Variants in DGKD observed in about 807,000 individuals in gnomAD.
The protein encoded by DGKD is diacylglycerol kinase delta, also known as DAG kinase delta.
Under a neutral mutation model 154.4 loss-of-function variants are expected in DGKD, and 68 were observed. The ratio of observed to expected loss-of-function variants is 0.44; its 90% CI spans 0.36 to 0.54. DGKD has a LOEUF of 0.54. Among genes scored for constraint, DGKD ranks in the 20% least tolerant of loss-of-function variants. The probability of loss-of-function intolerance (pLI) is 0.00; values close to 1 mark genes in which losing one functional copy is unlikely to be tolerated. For missense variants in DGKD, 1,343 were observed against 1,593.6 expected (o/e 0.84, Z 2.68); for synonymous variants, 693 against 638.0 (o/e 1.09, Z -1.30).
At chr2:233,359,803 G>T (rs1701697775) in intron 1 of DGKD, among the ~76,000 whole-genome samples, 1 of 152,188 alleles carries the variant, frequency 6.6e-6, no homozygotes, top group Non-Finnish European at 1.5e-5. Flanking sequence ...AAAATTTTTA[G>T]AGATGATAGT....
Position 233,452,153 on chromosome 2 carries a change from G to A in DGKD, c.2264+93G>A, listed in dbSNP as rs988166009. On this transcript the variant is annotated intron_variant, in intron 18 of 29. Transcript: ENST00000264057. This position sits in a 1 kb window ranked among gnomAD's most constrained non-coding sequence, Gnocchi z 4.0. The stretch of plus-strand genomic sequence containing the variant: ...CAGGATTAACTAGAGAAATTAGTGA[G>A]CAGTTGCCCAGCTGGTGGTAGCTGA... 1.7e-6 allele frequency: 2 copies of A among 1,204,726 alleles called. No homozygotes were observed. Among genetic ancestry groups the A allele is most frequent in the African/African-American group, 3.0e-5 (2 of 66,676 alleles). 74.6% of individuals were successfully genotyped at this position (1,204,726 alleles called of 1,614,324 possible). A position where few individuals can be genotyped will look rare whatever the true frequency, so the allele number is the denominator to read the frequency against.
Position 233,458,201 on chromosome 2 carries a change from C to T in DGKD, c.2581-83C>T, listed in dbSNP as rs757045692. ...TCTCGCCAGCTAGGAGGGGCTGACC[C>T]CCAGAGGGAGGGAGTGAGGGTAGGG... On this transcript the variant is annotated intron_variant, in intron 21 of 29. Coordinates refer to ENST00000264057, the MANE Select transcript of DGKD (RefSeq NM_152879.3). This position sits in a 1 kb window ranked among gnomAD's most constrained non-coding sequence, Gnocchi z 6.6. 49 of 857,730 alleles carry T rather than the reference C, an allele frequency of 5.7e-5. No individual in the cohort carries two copies. Among genetic ancestry groups the T allele is most frequent in the Non-Finnish European group, 8.8e-5 (47 of 532,588 alleles). 53.1% of individuals were successfully genotyped at this position (857,730 alleles called of 1,614,324 possible). A position where few individuals can be genotyped will look rare whatever the true frequency, so the allele number is the denominator to read the frequency against.
chr2:233,363,675 G>A (rs1438765917), intron 1 of DGKD, among the ~76,000 whole-genome samples: 2 of 152,116 alleles, frequency 1.3e-5, no homozygotes, highest in African/African-American at 2.4e-5. Context: ...CTCCAGTTAC[G>A]GTAAGTACCC....
chr2:233,419,271 C>T (rs1424665164), intron 3 of DGKD: 2 of 985,544 alleles, frequency 2.0e-6, no homozygotes, highest in African/African-American at 1.7e-5. Flanking sequence ...TTGCACGGTA[C>T]TGATTTGCTG....
intron 10 of DGKD, among the ~76,000 whole-genome samples, chr2:233,444,837 C>T (rs1423001523): frequency 1.4e-5 from 2 of 146,786 alleles, no homozygotes; most frequent in East Asian, 2.0e-4. Flanking sequence ...CGGCAGGTTT[C>T]CTGCCTCAAG....
intron 27 of DGKD, 79 bp downstream of exon 27, chr2:233,464,362 C>T (rs570280482): frequency 1.0e-4 from 160 of 1,561,852 alleles, no homozygotes; most frequent in South Asian, 7.3e-4. Flanking sequence ...CCTTGTGACC[C>T]GTGTGGCTCT....
At chr2:233,460,093 G>A in intron 23 of DGKD, 101 bp from the exon 24 acceptor site, 8 of 1,498,402 alleles carry the variant, frequency 5.3e-6, no homozygotes, top group Middle Eastern at 1.8e-4. Flanking sequence ...AGTCCTATTT[G>A]TCTCTTTCTA....
chr2:233,429,581 G>A (rs11681604), intron 3 of DGKD, among the ~76,000 whole-genome samples: 45,510 of 152,034 alleles, frequency 0.3, 9,644 homozygotes, highest in African/African-American at 0.61. Context: ...GCCTCTCCAC[G>A]CTGTGAGTTC....
chr2:233,389,793 G>A (rs1703466192), intron 2 of DGKD, among the ~76,000 whole-genome samples: 1 of 152,124 alleles, frequency 6.6e-6, no homozygotes, highest in African/African-American at 2.4e-5. Context: ...AGAGGGAGAC[G>A]GGGGAGGTCC....
intron 7 of DGKD, 81 bp from the exon 8 acceptor site, chr2:233,437,296 C>T (rs1335045269): frequency 1.7e-5 from 22 of 1,326,672 alleles, no homozygotes; most frequent in African/African-American, 2.9e-5. Context: ...GAGGCCAGCT[C>T]ATCAGCTACA....
intron 7 of DGKD, among the ~76,000 whole-genome samples, chr2:233,436,833 C>T (rs1253753463): frequency 6.6e-6 from 1 of 152,166 alleles, no homozygotes; most frequent in Admixed American, 6.5e-5. Flanking sequence ...GTGAGCACAG[C>T]CATGTGGAAG....
intron 3 of DGKD, among the ~76,000 whole-genome samples, chr2:233,433,584 T>G (rs982370886): frequency 6.6e-6 from 1 of 152,134 alleles, no homozygotes; most frequent in Non-Finnish European, 1.5e-5. Context: ...CAGAGTATAC[T>G]TGGATTGTTT....
In DGKD at chr2:233,463,339, TGCAC is replaced by T. The variant is rs1251227158; in HGVS notation, c.3186+608_3186+611del. On this transcript the variant is annotated intron_variant, in intron 26 of 29. Transcript: ENST00000264057. ...CACCTCACTCCACACATCTCCTCAC[TGCAC>T]GCATCTCACTCCACACATCACCTCA... 3.3e-5 allele frequency among the ~76,000 whole-genome samples: 5 copies of T among 149,900 alleles called. No individual in the cohort carries two copies. In the East Asian group the frequency reaches 9.9e-4, roughly 30 times the overall value.
intron 24 of DGKD, 86 bp from the exon 25 acceptor site, chr2:233,462,262 G>C: frequency 9.2e-7 from 1 of 1,088,960 alleles, no homozygotes; most frequent in Non-Finnish European, 1.4e-6. Context: ...CCTCCAGGTG[G>C]TACCTGGGCC....
chr2:233,452,203 G>C lies in DGKD; in HGVS notation c.2264+143G>C. ...ATAAGGAAGGCTGAGAAGTCGTGGA[G>C]ATTCCACTTAAGGAGTGGAGCTGGA... On this transcript the variant is annotated intron_variant, in intron 18 of 29. Transcript: ENST00000264057. The surrounding 1 kb of genome is among the most constrained non-coding windows in gnomAD (Gnocchi z 4.0). The C allele has an allele frequency of 1.3e-6, 1 of 776,284 alleles. No homozygotes were observed. Among genetic ancestry groups the C allele is most frequent in the Non-Finnish European group, 2.1e-6 (1 of 472,710 alleles). The allele number at this position is 776,284 out of a possible 1,614,324, so 48.1% of individuals were successfully genotyped here.
At position 233,395,539 on chromosome 2, in the gene DGKD, T is replaced by A. The variant is rs1703952134; in HGVS notation, c.348+5056T>A. 3.3e-5 allele frequency among the ~76,000 whole-genome samples: 5 copies of A among 152,038 alleles called. No individual in the cohort carries two copies. The South Asian group carries it at 1.0e-3, about 32-fold the overall frequency. On this transcript the variant is annotated intron_variant, in intron 3 of 29. Transcript: ENST00000264057. Reference sequence around the variant, plus strand: ...CCCTTCTGTGTTGTCTCTTAAACATTTATAGTTCACAGATTTTCTTTTTCC... The same window carrying A: ...CCCTTCTGTGTTGTCTCTTAAACATATATAGTTCACAGATTTTCTTTTTCC...
chr2:233,361,472 T>C (rs1701778193), intron 1 of DGKD, among the ~76,000 whole-genome samples: 1 of 152,140 alleles, frequency 6.6e-6, no homozygotes, highest in African/African-American at 2.4e-5. Flanking sequence ...AAAATAGACA[T>C]CAAGGGAGGC....
At chr2:233,360,952 A>T (rs757479449) in intron 1 of DGKD, among the ~76,000 whole-genome samples, 17 of 149,170 alleles carry the variant, frequency 1.1e-4, no homozygotes, top group Non-Finnish European at 1.8e-4. Context: ...TTGATCTCCG[A>T]CTTCCAGCCC....
rs904811734 is a variant in DGKD at position 233,441,734 on chromosome 2, G to A, written c.1086-153G>A. On this transcript the variant is annotated intron_variant, in intron 9 of 29. Transcript: ENST00000264057. The surrounding 1 kb of genome is among the most constrained non-coding windows in gnomAD (Gnocchi z 5.6). Reference sequence around the variant, plus strand: ...GACAAAGTGGACCCTGAGTGGAGGCGGCTGGTGTCACGTGGCAGGGCCTGT... The same window carrying A: ...GACAAAGTGGACCCTGAGTGGAGGCAGCTGGTGTCACGTGGCAGGGCCTGT... 2.6e-5 allele frequency among the ~76,000 whole-genome samples: 4 copies of A among 152,112 alleles called. No homozygotes were observed. Among genetic ancestry groups the A allele is most frequent in the East Asian group, 1.9e-4 (1 of 5,178 alleles).
Sources: allele counts gnomAD v4.1 joint callset (sites outside exome capture counted in the v4.1 genomes callset), GRCh38; gene constraint gnomAD v4.1.1; non-coding constraint Gnocchi (gnomAD v3.1); transcripts MANE v1.5; gene names NCBI Gene and HGNC (gene_info 2026-07-23, HGNC 2026-07-21).